The following B3GALT1 variants were observed in gnomAD, a reference collection of about 807,000 sequenced individuals.
The protein encoded by B3GALT1 is beta-1,3-galactosyltransferase 1, also known as UDP-Gal:betaGlcNAc beta 1,3-galactosyltransferase, polypeptide 1.
Under a neutral mutation model 23.2 loss-of-function variants are expected in B3GALT1, and 10 were observed. That is an observed-to-expected ratio of 0.43 (90% confidence interval 0.27 to 0.73). The LOEUF (loss-of-function observed/expected upper bound fraction) is 0.73. Ranked by LOEUF, B3GALT1 falls within the 30% of genes least tolerant of loss-of-function variation. B3GALT1 has a pLI of 0.21. For synonymous variants in B3GALT1, 156 were observed against 141.5 expected, an observed-to-expected ratio of 1.10 and a Z score of -0.73; for missense variants, 299 against 405.4, an observed-to-expected ratio of 0.74 and a Z score of 2.25.
intron 1 of B3GALT1, among the ~76,000 whole-genome samples, chr2:167,316,679 G>A (rs577367931): frequency 6.0e-4 from 92 of 152,248 alleles, no homozygotes; most frequent in African/African-American, 2.0e-3. Context: ...TCTGAGGCAT[G>A]TTTTATGTTG....
intron 3 of B3GALT1, among the ~76,000 whole-genome samples, chr2:167,676,554 C>CAT (rs1450632534): frequency 2.1e-4 from 26 of 126,360 alleles, no homozygotes; most frequent in Non-Finnish European, 3.4e-4. Flanking sequence ...CACACACACA[C>CAT]ATATATATGT....
intron 2 of B3GALT1, among the ~76,000 whole-genome samples, chr2:167,567,782 G>T (rs146269840): frequency 6.6e-6 from 1 of 152,048 alleles, no homozygotes. Flanking sequence ...CACTCTTGGT[G>T]TTGTACATCC....
chr2:167,458,954 T>C (rs1039668891), intron 1 of B3GALT1, among the ~76,000 whole-genome samples: 15 of 152,218 alleles, frequency 9.9e-5, no homozygotes, highest in African/African-American at 3.6e-4. Context: ...TTGGTTAGTA[T>C]TTGCCTGGAA....
At chr2:167,763,626 G>A (rs1227616341) in intron 3 of B3GALT1, among the ~76,000 whole-genome samples, 2 of 146,582 alleles carry the variant, frequency 1.4e-5, no homozygotes, top group African/African-American at 5.0e-5. Flanking sequence ...AGGAGGCAGA[G>A]GTTGCAGCGA....
Position 167,823,290 on chromosome 2 carries a change from A to T in B3GALT1, c.-230+4497A>T, listed in dbSNP as rs6718868. The stretch of plus-strand genomic sequence containing the variant: ...ACAGCTGCTGGTGTGGACCTAACAG[A>T]GAGTATGCATCTTTCTAAGTGTGTG... On this transcript the variant is annotated intron_variant, in intron 4 of 4. Transcript: ENST00000392690. 4.6e-5 allele frequency among the ~76,000 whole-genome samples: 7 copies of T among 152,126 alleles called. 1 individual carries two copies. Among genetic ancestry groups the T allele is most frequent in the Non-Finnish European group, 1.0e-4 (7 of 68,026 alleles).
intron 1 of B3GALT1, among the ~76,000 whole-genome samples, chr2:167,377,249 G>A (rs1490064624): frequency 6.6e-6 from 1 of 152,020 alleles, no homozygotes; most frequent in Non-Finnish European, 1.5e-5. Context: ...TGCTTTAATG[G>A]CCAAGTATGT....
intron 2 of B3GALT1, among the ~76,000 whole-genome samples, chr2:167,506,141 G>A (rs962814307): frequency 1.3e-5 from 2 of 152,188 alleles, no homozygotes; most frequent in South Asian, 2.1e-4. Flanking sequence ...ATACCCCAAA[G>A]CAAATGTAGA....
intron 2 of B3GALT1, among the ~76,000 whole-genome samples, chr2:167,583,229 T>C (rs960344519): frequency 5.9e-5 from 9 of 152,214 alleles, no homozygotes; most frequent in African/African-American, 2.2e-4. Flanking sequence ...CTTTTCCTTT[T>C]GTCCCCCCTT....
At chr2:167,602,897 A>G (rs1684900008) in intron 2 of B3GALT1, among the ~76,000 whole-genome samples, 1 of 152,142 alleles carries the variant, frequency 6.6e-6, no homozygotes, top group South Asian at 2.1e-4. Context: ...GGCACATGAG[A>G]TCAGCAGCAC....
At chr2:167,607,907 G>T (rs1269532039) in intron 2 of B3GALT1, among the ~76,000 whole-genome samples, 1 of 152,130 alleles carries the variant, frequency 6.6e-6, no homozygotes, top group Non-Finnish European at 1.5e-5. Context: ...GATTAATAAT[G>T]TGTTAGCAGA....
chr2:167,585,233 T>C (rs1684567527), intron 2 of B3GALT1, among the ~76,000 whole-genome samples: 1 of 152,192 alleles, frequency 6.6e-6, no homozygotes, highest in Non-Finnish European at 1.5e-5. Context: ...TAATCAGAGC[T>C]CTTGGTAGTG....
intron 3 of B3GALT1, among the ~76,000 whole-genome samples, chr2:167,702,257 GA>G (rs1686891958): frequency 1.3e-5 from 2 of 152,070 alleles, no homozygotes; most frequent in Non-Finnish European, 2.9e-5. Context: ...CAGGGAAGAA[GA>G]AAAAGGATCT....
At chr2:167,601,179 C>A (rs1456322076) in intron 2 of B3GALT1, among the ~76,000 whole-genome samples, 2 of 149,956 alleles carry the variant, frequency 1.3e-5, no homozygotes, top group Non-Finnish European at 2.9e-5. Context: ...CCTGCCTCAG[C>A]CTCTCGAGTA....
intron 2 of B3GALT1, among the ~76,000 whole-genome samples, chr2:167,558,950 G>C (rs931475789): frequency 6.6e-6 from 1 of 152,210 alleles, no homozygotes; most frequent in Admixed American, 6.5e-5. Flanking sequence ...GCTTTGAAGA[G>C]AGCAGTGGTT....
At chr2:167,723,651 C>A (rs1289286401) in intron 3 of B3GALT1, among the ~76,000 whole-genome samples, 1 of 151,850 alleles carries the variant, frequency 6.6e-6, no homozygotes, top group Non-Finnish European at 1.5e-5. Flanking sequence ...CTGTCTTAGC[C>A]CCTCGAGTAA....
intron 4 of B3GALT1, among the ~76,000 whole-genome samples, chr2:167,852,043 A>G (rs1019076949): frequency 6.6e-6 from 1 of 152,232 alleles, no homozygotes; most frequent in Non-Finnish European, 1.5e-5. Flanking sequence ...CTCTGCTGAT[A>G]ACTTCTTGGA....
At chr2:167,427,521 A>G (rs1698641878) in intron 1 of B3GALT1, among the ~76,000 whole-genome samples, 1 of 152,178 alleles carries the variant, frequency 6.6e-6, no homozygotes, top group Non-Finnish European at 1.5e-5. Flanking sequence ...GCCACTTTGG[A>G]TACTTTCATG....
At chr2:167,801,465 C>T (rs534118699) in intron 3 of B3GALT1, among the ~76,000 whole-genome samples, 3 of 152,236 alleles carry the variant, frequency 2.0e-5, no homozygotes, top group South Asian at 2.1e-4. Context: ...CGTCAAAGAC[C>T]GGTCTCATTC....
chr2:167,792,633 T>C (rs1688456154), intron 3 of B3GALT1, among the ~76,000 whole-genome samples: 1 of 152,154 alleles, frequency 6.6e-6, no homozygotes, highest in African/African-American at 2.4e-5. Context: ...CTTGTAAATA[T>C]CATGAAAATA....
Sources: allele counts gnomAD v4.1 joint callset (sites outside exome capture counted in the v4.1 genomes callset), GRCh38; gene constraint gnomAD v4.1.1; transcripts MANE v1.5; gene names NCBI Gene and HGNC (gene_info 2026-07-23, HGNC 2026-07-21).